MAPK10: variants seen among roughly 807,000 people sequenced by gnomAD.
MAPK10 encodes the protein mitogen-activated protein kinase 10.
In MAPK10, 25 loss-of-function variants were observed where a neutral mutation model predicts 59.3. The ratio of observed to expected loss-of-function variants is 0.42; its 90% CI spans 0.31 to 0.59. MAPK10 has a LOEUF of 0.59. MAPK10 is among the 20% of genes least tolerant of loss of function. The pLI is 0.15. For missense variants in MAPK10, 351 were observed against 568.9 expected, an observed-to-expected ratio of 0.62 and a Z score of 3.90; for synonymous variants, 190 against 200.5, an observed-to-expected ratio of 0.95 and a Z score of 0.44.
intron 11 of MAPK10, among the ~76,000 whole-genome samples, chr4:86,050,801 T>C (rs2043365668): frequency 6.6e-6 from 1 of 152,160 alleles, no homozygotes; most frequent in South Asian, 2.1e-4. Context: ...TGGTAACAGA[T>C]TGCTGTACTA....
rs1743873682 is a variant in MAPK10, at chr4:86,017,500, TA to T, written c.1253-131del. On this transcript the variant is annotated intron_variant, in intron 13 of 13. Transcript: ENST00000641462. The surrounding 1 kb of genome is among the most constrained non-coding windows in gnomAD (Gnocchi z 4.4). ...CCATCAATCATTTGGCAAGCCTTTA[TA>T]GAGCAGCTGACATAGGGGAGCATAT... The T allele has an allele frequency of 3.1e-6, 3 of 961,708 alleles. No homozygotes were observed. Among genetic ancestry groups the T allele is most frequent in the Non-Finnish European group, 4.8e-6 (3 of 629,132 alleles). The allele number at this position is 961,708 out of a possible 1,614,324, so 59.6% of individuals were successfully genotyped here. A position where few individuals can be genotyped will look rare whatever the true frequency, so the allele number is the denominator to read the frequency against.
intron 1 of MAPK10, among the ~76,000 whole-genome samples, chr4:86,488,312 G>A (rs534870710): frequency 6.6e-5 from 10 of 152,154 alleles, no homozygotes; most frequent in East Asian, 1.9e-4. Context: ...AGATGTCCCC[G>A]GTTTTTCACA....
chr4:86,464,254 C>A (rs1212783363), intron 1 of MAPK10, among the ~76,000 whole-genome samples: 1 of 152,090 alleles, frequency 6.6e-6, no homozygotes, highest in Non-Finnish European at 1.5e-5. Context: ...TAATTTAAAC[C>A]AATTGAAGGT....
At chr4:86,045,897 C>A (rs2042400269) in intron 11 of MAPK10, among the ~76,000 whole-genome samples, 1 of 151,404 alleles carries the variant, frequency 6.6e-6, no homozygotes, top group African/African-American at 2.4e-5. Context: ...CTCCAAGCAG[C>A]CTTCTGTAAC....
At chr4:86,589,870 G>C (rs1762901213) in intron 1 of MAPK10, among the ~76,000 whole-genome samples, 2 of 151,532 alleles carry the variant, frequency 1.3e-5, no homozygotes, top group South Asian at 4.2e-4. Context: ...TATAGTCCCA[G>C]CTACTCGGGA....
chr4:86,080,029 T>C (rs1455770092), intron 9 of MAPK10: 1 of 152,116 alleles, frequency 6.6e-6, no homozygotes. Context: ...AGAATTTTTA[T>C]CTGTTTTGTT....
intron 2 of MAPK10, among the ~76,000 whole-genome samples, chr4:86,229,867 G>A (rs1162271157): frequency 6.6e-6 from 1 of 151,970 alleles, no homozygotes; most frequent in East Asian, 1.9e-4. Flanking sequence ...ACCAGCCTGG[G>A]CAACATAGTG....
chr4:86,518,504 T>C (rs911919435), intron 1 of MAPK10, among the ~76,000 whole-genome samples: 4 of 152,252 alleles, frequency 2.6e-5, no homozygotes, highest in African/African-American at 9.6e-5. Flanking sequence ...ATCTTCTCTC[T>C]TCTTTTCTTG....
intron 1 of MAPK10, among the ~76,000 whole-genome samples, chr4:86,400,328 G>T (rs948432216): frequency 3.9e-5 from 6 of 152,082 alleles, no homozygotes; most frequent in Admixed American, 3.3e-4. Flanking sequence ...TCAAGATAAA[G>T]TGTCGTATTA....
At position 86,161,024 on chromosome 4, in the gene MAPK10, A is replaced by G. The variant is rs77614806; in HGVS notation, c.67-1557T>C. Among the ~76,000 whole-genome samples, 382 of 152,110 alleles carry G rather than the reference A, an allele frequency of 2.5e-3. 1 individual carries two copies. The highest frequency in any genetic ancestry group is 5.1e-3 in the Admixed American group (77 of 15,238). On this transcript the variant is annotated intron_variant, in intron 3 of 13. Coordinates refer to ENST00000641462, the MANE Select transcript of MAPK10 (RefSeq NM_138982.4). Reference sequence around the variant, plus strand: ...CATGTGAACACAGGTGGCAAAACCTACAAATCCAGTGCTAGGATCTTGAGG... The same window carrying G: ...CATGTGAACACAGGTGGCAAAACCTGCAAATCCAGTGCTAGGATCTTGAGG...
At chr4:86,507,639 T>TAG (rs1755866463) in intron 1 of MAPK10, among the ~76,000 whole-genome samples, 1 of 80,564 alleles carries the variant, frequency 1.2e-5, no homozygotes, top group Non-Finnish European at 2.5e-5. Flanking sequence ...TATATATATA[T>TAG]ATATATATAT....
chr4:86,382,084 G>A (rs1740802858), intron 1 of MAPK10, among the ~76,000 whole-genome samples: 2 of 152,092 alleles, frequency 1.3e-5, no homozygotes, highest in African/African-American at 2.4e-5. Context: ...AAGCATCCTG[G>A]CCTCTGTCAG....
At chr4:86,190,655 G>T (rs1359333914) in intron 3 of MAPK10, among the ~76,000 whole-genome samples, 2 of 151,646 alleles carry the variant, frequency 1.3e-5, no homozygotes, top group East Asian at 1.9e-4. Flanking sequence ...TATTAGTCTG[G>T]CTAGCAGTCT....
rs574821971 is a variant in MAPK10, at chr4:86,285,148, C to T, written c.-7+69382G>A. ...TGCAGTAGAGTAGACCAGTAATGTG[C>T]TAATTTTAACCAAAATCATGGAATC... On this transcript the variant is annotated intron_variant, in intron 2 of 13. Transcript: ENST00000641462. Among the ~76,000 whole-genome samples the T allele has an allele frequency of 3.3e-5, 5 of 152,070 alleles. No individual in the cohort carries two copies. In the South Asian group the frequency reaches 8.3e-4, roughly 25 times the overall value.
intron 1 of MAPK10, among the ~76,000 whole-genome samples, chr4:86,468,358 C>A (rs1183271178): frequency 6.6e-6 from 1 of 152,138 alleles, no homozygotes; most frequent in African/African-American, 2.4e-5. Flanking sequence ...GACCACTTCG[C>A]AATAATCCTT....
At chr4:86,537,569 C>G (rs186317002) in intron 1 of MAPK10, among the ~76,000 whole-genome samples, 13 of 152,126 alleles carry the variant, frequency 8.5e-5, no homozygotes, top group African/African-American at 1.7e-4. Context: ...GATTGTGACA[C>G]GTCAAAAGGA....
intron 1 of MAPK10, among the ~76,000 whole-genome samples, chr4:86,427,924 C>G (rs1435351039): frequency 6.6e-6 from 1 of 152,148 alleles, no homozygotes; most frequent in Non-Finnish European, 1.5e-5. Context: ...GGTATTTTAA[C>G]TTACCTGGAT....
intron 4 of MAPK10, chr4:86,124,779 C>T (rs994282114): frequency 6.6e-6 from 1 of 151,874 alleles, no homozygotes; most frequent in Non-Finnish European, 1.5e-5. Flanking sequence ...TATTTATATT[C>T]TATGTGGCAC....
chr4:86,522,379 C>A (rs977647055), intron 1 of MAPK10, among the ~76,000 whole-genome samples: 1 of 152,134 alleles, frequency 6.6e-6, no homozygotes, highest in Non-Finnish European at 1.5e-5. Context: ...GAGGTTGGAG[C>A]TAGAATATGA....
Sources: allele counts gnomAD v4.1 joint callset (sites outside exome capture counted in the v4.1 genomes callset), GRCh38; gene constraint gnomAD v4.1.1; non-coding constraint Gnocchi (gnomAD v3.1); transcripts MANE v1.5; gene names NCBI Gene and HGNC (gene_info 2026-07-23, HGNC 2026-07-21).